The following PCDH15 variants were observed in gnomAD, a reference collection of about 807,000 sequenced individuals.
PCDH15 encodes protocadherin-15.
Under a neutral mutation model 178.5 loss-of-function variants are expected in PCDH15, and 129 were observed. The ratio of observed to expected loss-of-function variants is 0.72; its 90% CI spans 0.63 to 0.84. PCDH15 has a LOEUF of 0.84. Among genes scored for constraint, PCDH15 ranks in the 40% least tolerant of loss-of-function variants. The pLI is 0.00. For synonymous variants in PCDH15, 800 were observed against 732.0 expected (o/e 1.09, Z -1.50); for missense variants, 2,230 against 2,099.9 (o/e 1.06, Z -1.21).
chr10:54,197,062 C>A (rs7910316), intron 10 of PCDH15, among the ~76,000 whole-genome samples: 137,900 of 152,238 alleles, frequency 0.91, 62,643 homozygotes, highest in East Asian at 0.98. Context: ...TGCCCACTGA[C>A]CGTCCCCAAA....
intron 10 of PCDH15, among the ~76,000 whole-genome samples, chr10:54,199,184 T>G (rs184960753): frequency 0.022 from 3,369 of 152,272 alleles, 53 homozygotes; most frequent in South Asian, 0.074. Flanking sequence ...TTAATATTTT[T>G]GGATTGCTAC....
chr10:54,279,953 G>A (rs1459159480), intron 8 of PCDH15, among the ~76,000 whole-genome samples: 2 of 151,624 alleles, frequency 1.3e-5, no homozygotes, highest in East Asian at 3.9e-4. Context: ...ATCAAAACTT[G>A]TTTTGGCATG....
At chr10:54,278,326 G>A (rs559630126) in intron 8 of PCDH15, among the ~76,000 whole-genome samples, 1 of 151,514 alleles carries the variant, frequency 6.6e-6, no homozygotes, top group Non-Finnish European at 1.5e-5. Flanking sequence ...TGCCTAGTCA[G>A]TGAACCTTGC....
At chr10:54,294,017 A>G (rs1206342265) in intron 8 of PCDH15, among the ~76,000 whole-genome samples, 3 of 152,176 alleles carry the variant, frequency 2.0e-5, no homozygotes, top group African/African-American at 7.2e-5. Context: ...ACACATGCAC[A>G]CGTATGTTTA....
chr10:53,839,033 T>C (rs2077477122), intron 29 of PCDH15, among the ~76,000 whole-genome samples: 1 of 151,740 alleles, frequency 6.6e-6, no homozygotes, highest in Non-Finnish European at 1.5e-5. Flanking sequence ...TAAAACCCCG[T>C]CTCTACTAAA....
rs148355267 is a variant in PCDH15 at position 54,912,663 on chromosome 10, T to C, written c.-79-15163A>G. On this transcript the variant is annotated intron_variant, in intron 2 of 5. Transcript: ENST00000458638. Reference sequence around the variant, plus strand: ...AGTCCAGAAATTGGTACCAGAGAAGTAGTACATCACTATAAGGATACCTGA... The same window carrying C: ...AGTCCAGAAATTGGTACCAGAGAAGCAGTACATCACTATAAGGATACCTGA... 1.3e-3 allele frequency among the ~76,000 whole-genome samples: 202 copies of C among 152,264 alleles called. 1 individual carries two copies. In the Middle Eastern group the frequency reaches 0.017, roughly 13 times the overall value.
chr10:53,907,361 C>G (rs2082749557), intron 25 of PCDH15: 1 of 152,072 alleles, frequency 6.6e-6, no homozygotes, highest in Non-Finnish European at 1.5e-5. Flanking sequence ...GAAAGGAAAG[C>G]ACAGATAGAA....
rs141808562 is a variant in PCDH15 at position 54,954,561 on chromosome 10, T to A, written c.-79-57061A>T. 7.6e-3 allele frequency among the ~76,000 whole-genome samples: 1,145 copies of A among 151,386 alleles called. 16 individuals carry two copies. The highest frequency in any genetic ancestry group is 0.026 in the African/African-American group (1,089 of 41,496). ...ATTTTCAAAATCTACCATTATGCCC[T>A]GACCTCTACAGTTATTCCAACAAAA... On this transcript the variant is annotated intron_variant, in intron 2 of 5. Coordinates refer to the PCDH15 transcript ENST00000458638.
intron 3 of PCDH15, among the ~76,000 whole-genome samples, chr10:54,895,867 GA>G (rs1489389856): frequency 6.6e-6 from 1 of 151,906 alleles, no homozygotes; most frequent in African/African-American, 2.4e-5. Context: ...TACTATAACT[GA>G]AAAATAGCTA....
intron 2 of PCDH15, among the ~76,000 whole-genome samples, chr10:55,473,627 T>C (rs531180633): frequency 7.2e-4 from 109 of 152,264 alleles, no homozygotes; most frequent in African/African-American, 2.5e-3. Flanking sequence ...CTGAGTAAAC[T>C]GTAATCCTGT....
intron 3 of PCDH15, among the ~76,000 whole-genome samples, chr10:54,430,646 C>T (rs1956856443): frequency 6.6e-6 from 1 of 151,618 alleles, no homozygotes; most frequent in Non-Finnish European, 1.5e-5. Flanking sequence ...CAATAAGTGC[C>T]TACATCAAAA....
At chr10:55,361,938 C>T (rs768210537) in intron 2 of PCDH15, among the ~76,000 whole-genome samples, 5 of 151,962 alleles carry the variant, frequency 3.3e-5, no homozygotes, top group Admixed American at 6.6e-5. Context: ...TTACGTTTAC[C>T]ATGGACCTTC....
intron 21 of PCDH15, among the ~76,000 whole-genome samples, chr10:53,972,593 GA>G (rs1353469603): frequency 6.6e-6 from 1 of 152,054 alleles, no homozygotes; most frequent in Non-Finnish European, 1.5e-5. Flanking sequence ...AGATTTACAA[GA>G]AAAAATCAAA....
intron 2 of PCDH15, among the ~76,000 whole-genome samples, chr10:55,470,113 G>A (rs1313181814): frequency 1.3e-5 from 2 of 152,102 alleles, no homozygotes; most frequent in Admixed American, 1.3e-4. Flanking sequence ...AACTTTGGGA[G>A]GCTGAGGCAA....
chr10:54,525,569 G>A (rs940775999), intron 3 of PCDH15, among the ~76,000 whole-genome samples: 6 of 152,050 alleles, frequency 3.9e-5, no homozygotes, highest in Admixed American at 2.0e-4. Context: ...AGTGATTCTC[G>A]TGCCTCAGCC....
At chr10:55,154,196 A>C (rs1838820044) in intron 2 of PCDH15, among the ~76,000 whole-genome samples, 1 of 152,184 alleles carries the variant, frequency 6.6e-6, no homozygotes, top group South Asian at 2.1e-4. Context: ...ACACTACTTA[A>C]GTATGTAAAA....
chr10:54,669,124 A>T (rs1208279355), intron 1 of PCDH15, among the ~76,000 whole-genome samples: 1 of 152,102 alleles, frequency 6.6e-6, no homozygotes, highest in African/African-American at 2.4e-5. Context: ...TGCTTAAATG[A>T]CTAGAGAGAA....
intron 1 of PCDH15, among the ~76,000 whole-genome samples, chr10:55,185,433 A>C (rs1839769081): frequency 6.6e-6 from 1 of 151,796 alleles, no homozygotes; most frequent in Non-Finnish European, 1.5e-5. Flanking sequence ...AATCTTTATT[A>C]AAAGACTTTG....
At chr10:54,598,622 C>T (rs2092358373) in intron 2 of PCDH15, among the ~76,000 whole-genome samples, 1 of 152,018 alleles carries the variant, frequency 6.6e-6, no homozygotes. Context: ...AAATTCTGAC[C>T]AGAGCAATCA....
Sources: gnomAD v4.1 joint callset for allele counts (sites outside exome capture counted in the v4.1 genomes callset) on GRCh38, gnomAD v4.1.1 for gene constraint, MANE v1.5 for transcripts, NCBI Gene and HGNC (gene_info 2026-07-23, HGNC 2026-07-21) for gene names.